The following PHF3 variants were observed in gnomAD, a reference collection of about 807,000 sequenced individuals.
PHF3 encodes PHD finger protein 3.
In PHF3, 41 loss-of-function variants were observed where a neutral mutation model predicts 178.4. That is an observed-to-expected ratio of 0.23 (90% CI 0.18 to 0.30). The LOEUF is 0.30. PHF3 is among the 10% of genes least tolerant of loss of function. The pLI is 1.00. For synonymous variants in PHF3, 842 were observed against 800.5 expected, an observed-to-expected ratio of 1.05 and a Z score of -0.88; for missense variants, 2,346 against 2,398.1, an observed-to-expected ratio of 0.98 and a Z score of 0.45.
At chr6:63,694,887 A>AT in intron 6 of PHF3, 123 bp downstream of exon 6, 19 of 489,288 alleles carry the variant, frequency 3.9e-5, no homozygotes, top group South Asian at 1.0e-4. Flanking sequence ...ATTGCCATTA[A>AT]GGCAATACAA....
intron 4 of PHF3, among the ~76,000 whole-genome samples, chr6:63,691,187 A>C (rs993153098): frequency 2.6e-5 from 4 of 152,162 alleles, no homozygotes; most frequent in Admixed American, 2.6e-4. Flanking sequence ...GTGGCTAATA[A>C]ACAGTTTGAG....
At position 63,720,329 on chromosome 6, in the gene PHF3, G is replaced by A. The variant is rs1768323726; in HGVS notation, c.*6621G>A. On this transcript the variant is annotated 3_prime_UTR_variant, in exon 16 of 16. Coordinates refer to ENST00000262043, the MANE Select transcript of PHF3 (RefSeq NM_001370348.2). Reference sequence around the variant, plus strand: ...TTAGGGATAGGTAAAAAGTGAATAAGCAAAGTGAATAAGCACATTCTGTGA... The same window carrying A: ...TTAGGGATAGGTAAAAAGTGAATAAACAAAGTGAATAAGCACATTCTGTGA... 1 of 405,304 alleles carries A rather than the reference G, an allele frequency of 2.5e-6. No individual in the cohort carries two copies. Among genetic ancestry groups the A allele is most frequent in the Admixed American group, 4.1e-5 (1 of 24,504 alleles). The allele number at this position is 405,304 out of a possible 1,614,324, so 25.1% of individuals were successfully genotyped here.
At chr6:63,668,670 C>G (rs1321829365) in intron 2 of PHF3, among the ~76,000 whole-genome samples, 1 of 151,908 alleles carries the variant, frequency 6.6e-6, no homozygotes, top group Non-Finnish European at 1.5e-5. Context: ...ATAATGAGTT[C>G]ATAGATTAAA....
chr6:63,688,719 T>C (rs1225548130), intron 4 of PHF3, among the ~76,000 whole-genome samples: 1 of 152,190 alleles, frequency 6.6e-6, no homozygotes, highest in African/African-American at 2.4e-5. Flanking sequence ...ACATTTCGTT[T>C]ACTCAGAAAA....
intron 1 of PHF3, among the ~76,000 whole-genome samples, chr6:63,646,160 G>A (rs964555363): frequency 6.6e-6 from 1 of 152,088 alleles, no homozygotes; most frequent in African/African-American, 2.4e-5. Context: ...TGCTTAATTT[G>A]TGAAAAGGTT....
chr6:63,644,988 C>T (rs1178348373), intron 1 of PHF3, among the ~76,000 whole-genome samples: 1 of 151,898 alleles, frequency 6.6e-6, no homozygotes, highest in Admixed American at 6.6e-5. Flanking sequence ...TTAAGTGATC[C>T]TCCCAACTCA....
At chr6:63,697,891 A>T (rs1767300707) in intron 6 of PHF3, among the ~76,000 whole-genome samples, 1 of 152,194 alleles carries the variant, frequency 6.6e-6, no homozygotes, top group African/African-American at 2.4e-5. Context: ...ACCAGAAGAG[A>T]TTCATCAATT....
rs1768491420 is a variant in PHF3 at position 63,723,557 on chromosome 6, G to A, written c.*9849G>A. ...AAATGATTAGGAAAGCTGAAGCTGTGATCTATACTATCACTGGTCATGTTG... is the reference window on the plus strand; with the variant it reads ...AAATGATTAGGAAAGCTGAAGCTGTAATCTATACTATCACTGGTCATGTTG... On this transcript the variant is annotated 3_prime_UTR_variant, in exon 16 of 16. Coordinates refer to ENST00000262043, the MANE Select transcript of PHF3 (RefSeq NM_001370348.2). Among the ~76,000 whole-genome samples the A allele has an allele frequency of 6.6e-6, 1 of 151,994 alleles. No homozygotes were observed. Among genetic ancestry groups the A allele is most frequent in the South Asian group, 2.1e-4 (1 of 4,818 alleles).
chr6:63,671,491 TTTATTTGAC>T (rs913441888), intron 2 of PHF3, among the ~76,000 whole-genome samples: 2 of 152,134 alleles, frequency 1.3e-5, no homozygotes, highest in Non-Finnish European at 2.9e-5. Flanking sequence ...GAGGTCATGG[TTTATTTGAC>T]TTGGGCTAGT....
rs917982816 is a variant in PHF3, at chr6:63,718,238, T to G, written c.*4530T>G. Among the ~76,000 whole-genome samples the G allele has an allele frequency of 6.6e-6, 1 of 151,956 alleles. No homozygotes were observed. Among genetic ancestry groups the G allele is most frequent in the Non-Finnish European group, 1.5e-5 (1 of 67,922 alleles). On this transcript the variant is annotated 3_prime_UTR_variant, in exon 16 of 16. Transcript: ENST00000262043. The stretch of plus-strand genomic sequence containing the variant: ...TTCAATGATGAGCAAAATGGGAAAG[T>G]TCCAATTTTGTGGAGATTACAGGTA...
rs1768360479 is a variant in PHF3, at chr6:63,721,000, T to C, written c.*7292T>C. On this transcript the variant is annotated 3_prime_UTR_variant, in exon 16 of 16. Transcript: ENST00000262043. ...TTCAAGGTCTGATTATGGAGACCAA[T>C]TGCCAGAAAATCATTTTCTTCATTT... 6 of 1,551,332 alleles carry C rather than the reference T, an allele frequency of 3.9e-6. 1 individual carries two copies. The highest frequency in any genetic ancestry group is 4.9e-5 in the East Asian group (2 of 40,892).
intron 3 of PHF3, among the ~76,000 whole-genome samples, chr6:63,683,012 A>T (rs1766506497): frequency 6.6e-6 from 1 of 152,076 alleles, no homozygotes; most frequent in African/African-American, 2.4e-5. Context: ...ATTTAAAAAA[A>T]TTTTATAACT....
At position 63,684,717 on chromosome 6, in the gene PHF3, A is replaced by T. The variant is rs748573789; in HGVS notation, c.995A>T (p.Asp332Val). The T allele has an allele frequency of 6.2e-7, 1 of 1,613,650 alleles. No homozygotes were observed. The highest frequency in any genetic ancestry group is 1.3e-5 in the African/African-American group (1 of 74,936). The part of the protein sequence containing the change: ...SKETVKLSHE[D>V]DHILEDAGSS... ...GAGACAGTAAAATTATCCCATGAAG[A>T]TGACCATATTCTTGAGGACGCTGGA... Residue 332 changes from aspartate (D) to valine (V), a missense_variant, in exon 4 of 16, where the codon GAT (aspartate) becomes GTT (valine). This residue lies in a region of PHF3 where 843 missense variants were observed against 795.2 expected (regional missense o/e 1.06). Transcript: ENST00000262043.
At chr6:63,708,293 T>A (rs1767782703) in intron 13 of PHF3, among the ~76,000 whole-genome samples, 1 of 152,218 alleles carries the variant, frequency 6.6e-6, no homozygotes, top group Non-Finnish European at 1.5e-5. Flanking sequence ...TGAGCAAATC[T>A]GTTTAGAAAT....
chr6:63,645,533 A>C (rs1441045348), intron 1 of PHF3, among the ~76,000 whole-genome samples: 1 of 152,190 alleles, frequency 6.6e-6, no homozygotes, highest in Non-Finnish European at 1.5e-5. Context: ...AAATTTTGTT[A>C]AATTTGGAGC....
chr6:63,645,530 G>A (rs1226126647), intron 1 of PHF3, among the ~76,000 whole-genome samples: 1 of 152,080 alleles, frequency 6.6e-6, no homozygotes, highest in Non-Finnish European at 1.5e-5. Context: ...AGGAAATTTT[G>A]TTAAATTTGG....
chr6:63,721,705 C>A lies in PHF3; in HGVS notation c.*7997C>A. On this transcript the variant is annotated 3_prime_UTR_variant, in exon 16 of 16. Coordinates refer to ENST00000262043, the MANE Select transcript of PHF3 (RefSeq NM_001370348.2). ...TGCCAAGTACTTCCGTTTATAGTTA[C>A]TTTTTGGAGAGTTTCTAGAATGATA... The A allele has an allele frequency of 1.3e-6, 2 of 1,551,382 alleles. No individual in the cohort carries two copies. Among genetic ancestry groups the A allele is most frequent in the African/African-American group, 1.4e-5 (1 of 73,148 alleles).
chr6:63,671,837 A>G (rs1253356034), intron 2 of PHF3, among the ~76,000 whole-genome samples: 1 of 152,108 alleles, frequency 6.6e-6, no homozygotes, highest in Non-Finnish European at 1.5e-5. Context: ...ACCTTCGACT[A>G]CCTGGTTCAG....
chr6:63,697,907 G>T (rs915748619), intron 6 of PHF3, among the ~76,000 whole-genome samples: 1 of 152,112 alleles, frequency 6.6e-6, no homozygotes, highest in Non-Finnish European at 1.5e-5. Flanking sequence ...CAATTTTGTG[G>T]TATTAGGTTA....
Sources: allele counts gnomAD v4.1 joint callset (sites outside exome capture counted in the v4.1 genomes callset), GRCh38; gene constraint gnomAD v4.1.1; regional missense constraint gnomAD v4.1.1; transcripts MANE v1.5; gene names NCBI Gene and HGNC (gene_info 2026-07-23, HGNC 2026-07-21).